Variants in PRSS3 observed in about 807,000 individuals in gnomAD.
The protein encoded by PRSS3 is trypsin-3.
In PRSS3, 14 loss-of-function variants were observed where a neutral mutation model predicts 20.8. The observed-to-expected ratio is 0.67, with a 90% confidence interval of 0.44 to 1.05. The LOEUF (loss-of-function observed/expected upper bound fraction) is 1.05, where lower values mean the gene tolerates loss of function less well. Ranked by LOEUF, PRSS3 falls within the 50% of genes least tolerant of loss-of-function variation. The pLI, the probability that PRSS3 is intolerant of heterozygous loss-of-function variation, is 0.00. For synonymous variants in PRSS3, 91 were observed against 117.6 expected (o/e 0.77, Z 1.46); for missense variants, 237 against 306.4 (o/e 0.77, Z 1.69).
chr9:33,778,587 A>C (rs1587385588), intron 1 of PRSS3, among the ~76,000 whole-genome samples: 1 of 152,252 alleles, frequency 6.6e-6, no homozygotes, highest in Admixed American at 6.5e-5. Flanking sequence ...ATTTATATTA[A>C]AAACAAAATA....
At chr9:33,760,801 G>A (rs2118793725) in intron 1 of PRSS3, among the ~76,000 whole-genome samples, 1 of 151,662 alleles carries the variant, frequency 6.6e-6, no homozygotes, top group African/African-American at 2.4e-5. Flanking sequence ...CTTGCTCAAG[G>A]TCACAGAGTG....
chr9:33,750,862 C>T lies in PRSS3; in HGVS notation c.-53+135C>T, dbSNP rs1334684243. On this transcript the variant is annotated intron_variant, in intron 1 of 5. Transcript: ENST00000342836. The surrounding 1 kb of genome is among the most constrained non-coding windows in gnomAD (Gnocchi z 4.8). The stretch of plus-strand genomic sequence containing the variant: ...GGACCTGCGGGGGAGGGTACGCGGA[C>T]AGGGAGGGGATACCGACTGGGAGGG... 2.2e-6 allele frequency: 3 copies of T among 1,375,680 alleles called. No homozygotes were observed. The African/African-American group carries it at 4.6e-5, about 21-fold the overall frequency. The allele number at this position is 1,375,680 out of a possible 1,614,324, so 85.2% of individuals were successfully genotyped here.
At chr9:33,785,270 C>T (rs1192918252) in intron 1 of PRSS3, among the ~76,000 whole-genome samples, 1 of 146,398 alleles carries the variant, frequency 6.8e-6, no homozygotes, top group Non-Finnish European at 1.5e-5. Context: ...CTCCGCCTCC[C>T]GGGTTCACCC....
At chr9:33,774,103 A>C (rs1823818851) in intron 1 of PRSS3, among the ~76,000 whole-genome samples, 1 of 152,202 alleles carries the variant, frequency 6.6e-6, no homozygotes. Context: ...GCTAAACCAC[A>C]GCAGGGGCTT....
chr9:33,763,653 C>T (rs1398183518), intron 1 of PRSS3, among the ~76,000 whole-genome samples: 2 of 147,844 alleles, frequency 1.4e-5, no homozygotes, highest in African/African-American at 5.0e-5. Flanking sequence ...GAGCAGAAAT[C>T]GCGCCACTGC....
At chr9:33,785,399 G>A (rs184462991) in intron 1 of PRSS3, among the ~76,000 whole-genome samples, 9,201 of 151,196 alleles carry the variant, frequency 0.061, 390 homozygotes, top group Non-Finnish European at 0.091. Context: ...GGATGGTCTC[G>A]ATCTCCTGAC....
At chr9:33,753,979 G>A (rs1822815122) in intron 1 of PRSS3, among the ~76,000 whole-genome samples, 1 of 152,108 alleles carries the variant, frequency 6.6e-6, no homozygotes, top group South Asian at 2.1e-4. Context: ...TCCCCAAGTT[G>A]CAGCAGAAAG....
chr9:33,773,706 C>T (rs981105507), intron 1 of PRSS3, among the ~76,000 whole-genome samples: 2 of 152,212 alleles, frequency 1.3e-5, no homozygotes, highest in African/African-American at 2.4e-5. Context: ...GTCAGCGGTG[C>T]GATCACGGCT....
In PRSS3 at chr9:33,750,891, C is replaced by T; in HGVS notation, c.-53+164C>T. On this transcript the variant is annotated intron_variant, in intron 1 of 5. Coordinates refer to the PRSS3 transcript ENST00000342836. The surrounding 1 kb of genome is among the most constrained non-coding windows in gnomAD (Gnocchi z 4.8). ...GAGGGGATACCGACTGGGAGGGGCT[C>T]AGGGACAGGGATGGAGGCTCCTCTA... 1 of 1,352,788 alleles carries T rather than the reference C, an allele frequency of 7.4e-7. No individual in the cohort carries two copies. The highest frequency in any genetic ancestry group is 9.5e-7 in the Non-Finnish European group (1 of 1,056,388). The allele number at this position is 1,352,788 out of a possible 1,614,324, so 83.8% of individuals were successfully genotyped here. A position where few individuals can be genotyped will look rare whatever the true frequency, so the allele number is the denominator to read the frequency against.
intron 1 of PRSS3, among the ~76,000 whole-genome samples, chr9:33,779,055 G>A (rs1824065750): frequency 6.6e-6 from 1 of 152,160 alleles, no homozygotes; most frequent in African/African-American, 2.4e-5. Flanking sequence ...CAGAGCCCTG[G>A]CCCTCTGAAA....
intron 1 of PRSS3, among the ~76,000 whole-genome samples, chr9:33,761,631 G>A (rs1252934180): frequency 3.3e-5 from 5 of 151,894 alleles, no homozygotes; most frequent in South Asian, 2.1e-4. Flanking sequence ...GCTTGAACCC[G>A]GGAGGTGGAG....
chr9:33,754,229 G>A (rs745622666), intron 1 of PRSS3, among the ~76,000 whole-genome samples: 5 of 151,716 alleles, frequency 3.3e-5, no homozygotes, highest in Admixed American at 2.6e-4. Flanking sequence ...GCACCACCAC[G>A]CCCAGCTAAT....
At chr9:33,752,425 C>G (rs758658644) in intron 1 of PRSS3, among the ~76,000 whole-genome samples, 1 of 152,216 alleles carries the variant, frequency 6.6e-6, no homozygotes, top group Non-Finnish European at 1.5e-5. Context: ...CAGAGTCACT[C>G]CCCTAGCCAA....
intron 1 of PRSS3, among the ~76,000 whole-genome samples, chr9:33,765,369 A>G (rs1823370112): frequency 6.6e-6 from 1 of 152,232 alleles, no homozygotes; most frequent in African/African-American, 2.4e-5. Flanking sequence ...ACTGCTCACA[A>G]TTTCATGGAT....
At chr9:33,787,767 A>G (rs1824472091) in intron 1 of PRSS3, among the ~76,000 whole-genome samples, 2 of 152,228 alleles carry the variant, frequency 1.3e-5, no homozygotes, top group Non-Finnish European at 1.5e-5. Context: ...AGTGTGGAAC[A>G]GGTTCACTGT....
At chr9:33,788,865 C>T (rs984343186) in intron 1 of PRSS3, among the ~76,000 whole-genome samples, 2 of 152,096 alleles carry the variant, frequency 1.3e-5, no homozygotes, top group East Asian at 1.9e-4. Context: ...CTTCTCTATG[C>T]TACAATCTGG....
intron 1 of PRSS3, among the ~76,000 whole-genome samples, chr9:33,763,698 CAAAA>C (rs370849434): frequency 1.3e-5 from 1 of 78,982 alleles, no homozygotes; most frequent in Admixed American, 1.4e-4. Flanking sequence ...GACTCTGTCT[CAAAA>C]AAAAAAAAAA....
At chr9:33,752,126 A>G (rs1157620354) in intron 1 of PRSS3, among the ~76,000 whole-genome samples, 1 of 152,090 alleles carries the variant, frequency 6.6e-6, no homozygotes, top group Non-Finnish European at 1.5e-5. Context: ...CTTCATGAAG[A>G]AGGAAACAGT....
intron 1 of PRSS3, among the ~76,000 whole-genome samples, chr9:33,773,020 G>A (rs940339207): frequency 1.6e-4 from 25 of 151,892 alleles, no homozygotes; most frequent in African/African-American, 5.8e-4. Flanking sequence ...TTAAAGCACC[G>A]TATCAAGTTT....
Sources: gnomAD v4.1 joint callset for allele counts (sites outside exome capture counted in the v4.1 genomes callset) on GRCh38, gnomAD v4.1.1 for gene constraint, Gnocchi (gnomAD v3.1) non-coding constraint, MANE v1.5 for transcripts, NCBI Gene and HGNC (gene_info 2026-07-23, HGNC 2026-07-21) for gene names.